The following SLMAP variants were observed in gnomAD, a reference collection of about 807,000 sequenced individuals.
SLMAP encodes sarcolemma associated protein, also known as sarcolemmal membrane-associated protein.
SLMAP carries 44 observed loss-of-function variants against 128.8 expected under a neutral mutation model. The ratio of observed to expected loss-of-function variants is 0.34; its 90% CI spans 0.27 to 0.44. The LOEUF is 0.44. Ranked by LOEUF, SLMAP falls within the 20% of genes least tolerant of loss-of-function variation. SLMAP has a pLI of 1.00. For synonymous variants in SLMAP, 327 were observed against 348.8 expected, an observed-to-expected ratio of 0.94 and a Z score of 0.70; for missense variants, 787 against 985.3, an observed-to-expected ratio of 0.80 and a Z score of 2.69.
chr3:57,783,920 C>G (rs2083551443), intron 2 of SLMAP, among the ~76,000 whole-genome samples: 1 of 152,144 alleles, frequency 6.6e-6, no homozygotes, highest in South Asian at 2.1e-4. Flanking sequence ...CAACACTGCC[C>G]TAGCTGTGGC....
chr3:57,897,143 CG>C (rs2096263238), intron 17 of SLMAP: 2 of 1,310,150 alleles, frequency 1.5e-6, no homozygotes, highest in African/African-American at 3.0e-5. Context: ...GTCAAGATTA[CG>C]AGGGACAAAG....
chr3:57,772,910 G>T (rs1341864764), intron 2 of SLMAP, among the ~76,000 whole-genome samples: 1 of 152,136 alleles, frequency 6.6e-6, no homozygotes, highest in Non-Finnish European at 1.5e-5. Context: ...AAAGTGCTGG[G>T]ATTACAGGTG....
chr3:57,859,800 A>G (rs1014814688), intron 8 of SLMAP, among the ~76,000 whole-genome samples: 5 of 152,200 alleles, frequency 3.3e-5, no homozygotes, highest in African/African-American at 1.2e-4. Context: ...AACCCCAGAC[A>G]TCACCACTAC....
intron 14 of SLMAP, among the ~76,000 whole-genome samples, chr3:57,880,047 G>C (rs2095696145): frequency 6.6e-6 from 1 of 152,148 alleles, no homozygotes; most frequent in African/African-American, 2.4e-5. Context: ...CCTCCCTGTG[G>C]AGGGCCTTAG....
intron 14 of SLMAP, among the ~76,000 whole-genome samples, chr3:57,887,536 A>G (rs1341149842): frequency 6.6e-6 from 1 of 152,204 alleles, no homozygotes; most frequent in Non-Finnish European, 1.5e-5. Context: ...TAATGGCTCA[A>G]CTAAACAAAC....
In SLMAP at chr3:57,781,470, C is replaced by CA. The variant is rs1220017933; in HGVS notation, c.198+23622dup. 1.1e-4 allele frequency among the ~76,000 whole-genome samples: 17 copies of CA among 152,172 alleles called. No individual in the cohort carries two copies. In the South Asian group the frequency reaches 3.5e-3, roughly 32 times the overall value. ...TAATAAAAGAACAAACAGGAGACAG[C>CA]ACCATGTGTATAATAATCTACCTTT... is the stretch of plus-strand genomic sequence containing the variant. On this transcript the variant is annotated intron_variant, in intron 2 of 24. Transcript: ENST00000671191.
At position 57,927,636 on chromosome 3, in the gene SLMAP, A is replaced by G. The variant is rs1168545499; in HGVS notation, c.*347A>G. 1.3e-5 allele frequency: 3 copies of G among 222,478 alleles called. No individual in the cohort carries two copies. Among genetic ancestry groups the G allele is most frequent in the Non-Finnish European group, 8.7e-6 (1 of 114,660 alleles). 13.8% of individuals were successfully genotyped at this position (222,478 alleles called of 1,614,324 possible). On this transcript the variant is annotated 3_prime_UTR_variant, in exon 25 of 25. Coordinates refer to ENST00000671191, the MANE Select transcript of SLMAP (RefSeq NM_001377540.1). ...TTTTTCATGTAATTTTTAAATTAGT[A>G]TGTTAAGATTCTGAATATTATGGTG...
chr3:57,777,440 C>T (rs1406145567), intron 2 of SLMAP, among the ~76,000 whole-genome samples: 1 of 151,738 alleles, frequency 6.6e-6, no homozygotes, highest in South Asian at 2.1e-4. Flanking sequence ...GATAGAATAG[C>T]CAGGCGCAGT....
At chr3:57,789,083 ACT>A (rs776914225) in intron 2 of SLMAP, among the ~76,000 whole-genome samples, 55 of 152,076 alleles carry the variant, frequency 3.6e-4, no homozygotes, top group Non-Finnish European at 6.8e-4. Context: ...CAGGTCAGGC[ACT>A]CTCTGTCCAG....
intron 13 of SLMAP, among the ~76,000 whole-genome samples, chr3:57,867,935 G>A (rs996962578): frequency 6.6e-6 from 1 of 152,132 alleles, no homozygotes; most frequent in African/African-American, 2.4e-5. Context: ...TAAGCTGAAT[G>A]TATCTTAGAG....
At position 57,862,101 on chromosome 3, in the gene SLMAP, T is replaced by A. The variant is rs368708547; in HGVS notation, c.966+15T>A. 86 of 1,543,716 alleles carry A rather than the reference T, an allele frequency of 5.6e-5. No homozygotes were observed. Among genetic ancestry groups the A allele is most frequent in the Non-Finnish European group, 7.6e-5 (85 of 1,120,980 alleles). On this transcript the variant is annotated intron_variant, in intron 10 of 24. Coordinates refer to ENST00000671191, the MANE Select transcript of SLMAP (RefSeq NM_001377540.1). ...ATAAATTAAAGGTATGTATTTACTC[T>A]GCCTGAAAGTATGTTAAGCTAATAA...
intron 13 of SLMAP, 36 bp from the exon 14 acceptor site, chr3:57,871,600 A>G (rs746065443): frequency 6.4e-7 from 1 of 1,567,276 alleles, no homozygotes; most frequent in South Asian, 1.1e-5. Flanking sequence ...AGACAGCAAC[A>G]AACTATATCC....
chr3:57,764,522 A>G (rs2079290060), intron 2 of SLMAP, among the ~76,000 whole-genome samples: 1 of 151,966 alleles, frequency 6.6e-6, no homozygotes. Flanking sequence ...AGAAAAGAAA[A>G]GAAAGAAAGA....
chr3:57,758,121 A>G (rs2077923053), intron 2 of SLMAP, among the ~76,000 whole-genome samples: 2 of 152,214 alleles, frequency 1.3e-5, no homozygotes, highest in African/African-American at 2.4e-5. Context: ...CCCAAACTAG[A>G]TAGTGAAACT....
At position 57,852,466 on chromosome 3, in the gene SLMAP, G is replaced by T. The variant is rs1166003306; in HGVS notation, c.519+2650G>T. Among the ~76,000 whole-genome samples the T allele has an allele frequency of 2.6e-5, 4 of 152,188 alleles. No individual in the cohort carries two copies. The South Asian group carries it at 6.2e-4, about 24-fold the overall frequency. ...ACTGGAAAAGTTGTTTAACCCTTTT[G>T]TGCCTCATTTTCCTCATCTGTGAAA... On this transcript the variant is annotated intron_variant, in intron 6 of 24. Coordinates refer to ENST00000671191, the MANE Select transcript of SLMAP (RefSeq NM_001377540.1).
At chr3:57,766,641 A>G (rs1233429647) in intron 2 of SLMAP, among the ~76,000 whole-genome samples, 4 of 152,108 alleles carry the variant, frequency 2.6e-5, no homozygotes, top group African/African-American at 4.8e-5. Context: ...ATTAAAATCT[A>G]TATCTTATTT....
chr3:57,784,033 C>A (rs1186523335), intron 2 of SLMAP, among the ~76,000 whole-genome samples: 1 of 152,134 alleles, frequency 6.6e-6, no homozygotes, highest in African/African-American at 2.4e-5. Context: ...AATTCAAGAA[C>A]CATGGGGCCA....
intron 2 of SLMAP, among the ~76,000 whole-genome samples, chr3:57,806,670 C>T (rs2089945788): frequency 6.6e-6 from 1 of 152,004 alleles, no homozygotes; most frequent in South Asian, 2.1e-4. Flanking sequence ...GCACTCCTGA[C>T]CTCAAGTGAT....
In SLMAP at chr3:57,894,925, G is replaced by A. The variant is rs1337126076; in HGVS notation, c.1361-1586G>A. Among the ~76,000 whole-genome samples the A allele has an allele frequency of 2.6e-5, 4 of 152,140 alleles. No individual in the cohort carries two copies. In the East Asian group the frequency reaches 7.7e-4, roughly 29 times the overall value. On this transcript the variant is annotated intron_variant, in intron 15 of 24. Transcript: ENST00000671191. Reference sequence around the variant, plus strand: ...ATGTAAAGCTTGACTGAGGCCTTGTGGAGAATGGGGAGATAGGATTTCCAT... The same window carrying A: ...ATGTAAAGCTTGACTGAGGCCTTGTAGAGAATGGGGAGATAGGATTTCCAT...
Sources: gnomAD v4.1 joint callset for allele counts (sites outside exome capture counted in the v4.1 genomes callset) on GRCh38, gnomAD v4.1.1 for gene constraint, MANE v1.5 for transcripts, NCBI Gene and HGNC (gene_info 2026-07-23, HGNC 2026-07-21) for gene names.